The following PCDH15 variants were observed in gnomAD, a reference collection of about 807,000 sequenced individuals.
PCDH15 encodes protocadherin-15.
PCDH15 carries 129 observed loss-of-function variants against 178.5 expected under a neutral mutation model. That is an observed-to-expected ratio of 0.72 (90% CI 0.63 to 0.84). The LOEUF is 0.84. Ranked by LOEUF, PCDH15 falls within the 40% of genes least tolerant of loss-of-function variation. The probability of loss-of-function intolerance (pLI) is 0.00; values close to 1 mark genes in which losing one functional copy is unlikely to be tolerated. For synonymous variants in PCDH15, 800 were observed against 732.0 expected (o/e 1.09, Z -1.50); for missense variants, 2,230 against 2,099.9 (o/e 1.06, Z -1.21).
intron 2 of PCDH15, among the ~76,000 whole-genome samples, chr10:54,572,944 G>A (rs555537768): frequency 6.6e-6 from 1 of 152,074 alleles, no homozygotes; most frequent in African/African-American, 2.4e-5. Flanking sequence ...TTGTATCCTT[G>A]AGGAAATCAC....
chr10:55,202,717 C>T (rs948591093), intron 1 of PCDH15, among the ~76,000 whole-genome samples: 2 of 152,082 alleles, frequency 1.3e-5, no homozygotes, highest in African/African-American at 4.8e-5. Context: ...AAGGGAGGGA[C>T]CTAGTGGGAT....
chr10:54,364,167 G>A (rs946023620), intron 5 of PCDH15, among the ~76,000 whole-genome samples: 5 of 150,782 alleles, frequency 3.3e-5, no homozygotes, highest in Non-Finnish European at 7.4e-5. Context: ...AGCCAAGATC[G>A]TGCCATTGCA....
chr10:54,458,451 C>T (rs1398183520), intron 3 of PCDH15, among the ~76,000 whole-genome samples: 1 of 152,098 alleles, frequency 6.6e-6, no homozygotes, highest in Admixed American at 6.6e-5. Context: ...ATTCACTCAA[C>T]CTCAAAACTT....
chr10:54,416,194 C>T (rs1277774370), intron 3 of PCDH15, among the ~76,000 whole-genome samples: 2 of 151,904 alleles, frequency 1.3e-5, no homozygotes, highest in South Asian at 2.1e-4. Context: ...ATGTGCAAAA[C>T]GTGCAGGTTT....
chr10:53,921,957 C>G (rs1360411124), intron 25 of PCDH15, among the ~76,000 whole-genome samples: 8 of 151,992 alleles, frequency 5.3e-5, no homozygotes, highest in Admixed American at 1.3e-4. Flanking sequence ...GTAGATTTTT[C>G]ATTTTGTGTT....
At chr10:55,096,674 A>G (rs1842456161) in intron 2 of PCDH15, among the ~76,000 whole-genome samples, 2 of 152,142 alleles carry the variant, frequency 1.3e-5, no homozygotes, top group Non-Finnish European at 2.9e-5. Context: ...CTCTCATTCT[A>G]TTCTCTATTT....
At chr10:54,413,836 C>T (rs1953925730) in intron 3 of PCDH15, among the ~76,000 whole-genome samples, 1 of 152,016 alleles carries the variant, frequency 6.6e-6, no homozygotes, top group Non-Finnish European at 1.5e-5. Context: ...TAATGGCCTA[C>T]AATTGCAATA....
intron 30 of PCDH15, 90 bp downstream of exon 30, chr10:53,831,225 T>A: frequency 3.4e-6 from 4 of 1,182,866 alleles, no homozygotes; most frequent in Non-Finnish European, 5.1e-6. Context: ...GCACCATCAA[T>A]ATTTTACAAC....
At chr10:55,128,963 AG>A (rs201579969) in intron 2 of PCDH15, among the ~76,000 whole-genome samples, 1,561 of 152,228 alleles carry the variant, frequency 0.01, 20 homozygotes, top group African/African-American at 0.035. Flanking sequence ...TATCCACATC[AG>A]TAGCCATGAT....
At chr10:54,576,042 TAAAC>T (rs6143913) in intron 2 of PCDH15, among the ~76,000 whole-genome samples, 142,389 of 151,698 alleles carry the variant, frequency 0.94, 67,064 homozygotes, top group Middle Eastern at 0.98. Context: ...ACCTTGTTAT[TAAAC>T]AAACAAACAA....
chr10:55,382,868 G>A (rs945864447), intron 2 of PCDH15, among the ~76,000 whole-genome samples: 20 of 152,202 alleles, frequency 1.3e-4, no homozygotes, highest in African/African-American at 4.3e-4. Context: ...CAGGCAAGTG[G>A]ATGCCAGGGC....
At chr10:54,995,531 T>G (rs779433551) in intron 2 of PCDH15, among the ~76,000 whole-genome samples, 8 of 151,990 alleles carry the variant, frequency 5.3e-5, no homozygotes, top group Non-Finnish European at 8.8e-5. Flanking sequence ...TAACAACTTC[T>G]AATATTCTCG....
chr10:54,986,401 A>G (rs1839365505), intron 2 of PCDH15, among the ~76,000 whole-genome samples: 1 of 152,154 alleles, frequency 6.6e-6, no homozygotes, highest in Admixed American at 6.5e-5. Flanking sequence ...AAAATATGTG[A>G]GTTAATATTT....
intron 4 of PCDH15, among the ~76,000 whole-genome samples, chr10:54,371,361 T>C (rs755009109): frequency 1.2e-4 from 18 of 151,762 alleles, no homozygotes; most frequent in Non-Finnish European, 2.2e-4. Flanking sequence ...TAATTAATAA[T>C]ATCAGATAAT....
chr10:54,954,063 T>C (rs1244981223), intron 2 of PCDH15, among the ~76,000 whole-genome samples: 1 of 151,274 alleles, frequency 6.6e-6, no homozygotes, highest in Non-Finnish European at 1.5e-5. Flanking sequence ...ATCTTTTCTA[T>C]ATCATGTTTT....
chr10:55,323,144 G>A (rs1468071401), upstream of PCDH15, among the ~76,000 whole-genome samples: 1 of 152,188 alleles, frequency 6.6e-6, no homozygotes, highest in Non-Finnish European at 1.5e-5. Flanking sequence ...GGGCATGCAG[G>A]TGCAGAGAAA....
chr10:54,813,068 C>A (rs1025236445), intron 3 of PCDH15, among the ~76,000 whole-genome samples: 1 of 152,146 alleles, frequency 6.6e-6, no homozygotes, highest in South Asian at 2.1e-4. Context: ...CTCCAACAAC[C>A]TAGAGTTTAT....
At chr10:54,222,966 G>A (rs1324809077) in intron 9 of PCDH15, among the ~76,000 whole-genome samples, 1 of 152,088 alleles carries the variant, frequency 6.6e-6, no homozygotes, top group Non-Finnish European at 1.5e-5. Context: ...TTACTTTGAT[G>A]AAGTCAAATT....
intron 2 of PCDH15, among the ~76,000 whole-genome samples, chr10:54,970,880 A>G (rs1467846501): frequency 6.6e-6 from 1 of 152,126 alleles, no homozygotes; most frequent in African/African-American, 2.4e-5. Flanking sequence ...TCTATTACTA[A>G]TTCTTCCTTT....
Sources: allele counts gnomAD v4.1 joint callset (sites outside exome capture counted in the v4.1 genomes callset), GRCh38; gene constraint gnomAD v4.1.1; transcripts MANE v1.5; gene names NCBI Gene and HGNC (gene_info 2026-07-23, HGNC 2026-07-21).